The following ABCA13 variants were observed in gnomAD, a reference collection of about 807,000 sequenced individuals.
ABCA13 encodes the protein ATP-binding cassette sub-family A member 13.
A neutral mutation model predicts 478.7 loss-of-function variants in ABCA13; 476 were observed. That is an observed-to-expected ratio of 0.99 (90% confidence interval 0.92 to 1.07). The LOEUF (loss-of-function observed/expected upper bound fraction) is 1.07. ABCA13 is among the 50% of genes least tolerant of loss of function. ABCA13 has a pLI of 0.00. For synonymous variants in ABCA13, 2,252 were observed against 2,158.9 expected (o/e 1.04, Z -1.20); for missense variants, 6,060 against 5,910.6 (o/e 1.03, Z -0.83).
chr7:48,312,770 T>G, intron 24 of ABCA13, among the ~76,000 whole-genome samples: 1 of 152,278 alleles, frequency 6.6e-6, no homozygotes, highest in Admixed American at 6.5e-5. Flanking sequence ...AATTTCCACC[T>G]TGGTCACCTC....
intron 2 of ABCA13, among the ~76,000 whole-genome samples, chr7:48,195,405 A>G (rs1007352044): frequency 1.3e-5 from 2 of 152,208 alleles, no homozygotes; most frequent in African/African-American, 2.4e-5. Context: ...TAACCAGGCA[A>G]GAGATGGTTG....
intron 32 of ABCA13, 128 bp downstream of exon 32, chr7:48,368,036 G>T: frequency 3.3e-6 from 2 of 611,178 alleles, no homozygotes; most frequent in Non-Finnish European, 5.7e-6. Flanking sequence ...GGGTTCTGGT[G>T]TACAAAATAG....
chr7:48,194,737 A>G (rs1797700299), intron 2 of ABCA13, among the ~76,000 whole-genome samples: 6 of 152,238 alleles, frequency 3.9e-5, no homozygotes, highest in South Asian at 2.1e-4. Flanking sequence ...GACCATTCCT[A>G]TCAGTTTGTC....
chr7:48,516,123 G>A lies in ABCA13; in HGVS notation c.13641-602G>A, dbSNP rs115009043. Among the ~76,000 whole-genome samples, 1,505 of 152,284 alleles carry A rather than the reference G, an allele frequency of 9.9e-3. 30 individuals carry two copies. The highest frequency in any genetic ancestry group is 0.034 in the African/African-American group (1,407 of 41,546). On this transcript the variant is annotated intron_variant, in intron 51 of 61. Transcript: ENST00000435803. ...TCTGTTCACCAAGTGAGGAAAAATT[G>A]CTGGGCCAATAAAATTGCATCTATA...
At chr7:48,606,511 C>T (rs1791481249) in intron 58 of ABCA13, among the ~76,000 whole-genome samples, 1 of 151,228 alleles carries the variant, frequency 6.6e-6, no homozygotes, top group South Asian at 2.1e-4. Flanking sequence ...TGGAGATCCG[C>T]TCCAGACCCT....
intron 42 of ABCA13, among the ~76,000 whole-genome samples, chr7:48,442,016 C>A (rs1033767563): frequency 1.3e-5 from 2 of 152,192 alleles, no homozygotes; most frequent in East Asian, 3.8e-4. Flanking sequence ...TGAGAGGCTT[C>A]CAGAGGAGAG....
At chr7:48,416,516 A>G (rs1820011786) in intron 41 of ABCA13, among the ~76,000 whole-genome samples, 1 of 152,168 alleles carries the variant, frequency 6.6e-6, no homozygotes, top group Non-Finnish European at 1.5e-5. Context: ...TAGGTTGGGA[A>G]TCATGGAAGG....
At chr7:48,223,586 A>G (rs1346479100) in intron 5 of ABCA13, among the ~76,000 whole-genome samples, 1 of 152,040 alleles carries the variant, frequency 6.6e-6, no homozygotes, top group Non-Finnish European at 1.5e-5. Flanking sequence ...AGCAGCATGG[A>G]GTTCATTAGT....
chr7:48,411,606 C>A (rs1016318237), intron 40 of ABCA13, among the ~76,000 whole-genome samples: 1 of 152,148 alleles, frequency 6.6e-6, no homozygotes, highest in Non-Finnish European at 1.5e-5. Context: ...CCATGCCCAG[C>A]CTAGAAATAT....
At chr7:48,379,272 A>G (rs779221640) in intron 35 of ABCA13, among the ~76,000 whole-genome samples, 16 of 152,328 alleles carry the variant, frequency 1.1e-4, no homozygotes, top group Admixed American at 6.5e-4. Context: ...GTCTGCCAAT[A>G]ATAACAAAGA....
intron 35 of ABCA13, among the ~76,000 whole-genome samples, chr7:48,385,328 G>A (rs528129025): frequency 2.0e-5 from 3 of 152,176 alleles, no homozygotes; most frequent in African/African-American, 7.2e-5. Flanking sequence ...AGTGCATGTT[G>A]TTCCCCGCAG....
intron 1 of ABCA13, among the ~76,000 whole-genome samples, chr7:48,187,069 C>G (rs1199795163): frequency 1.3e-5 from 2 of 149,202 alleles, no homozygotes; most frequent in Non-Finnish European, 3.0e-5. Context: ...GTCCCTGTCT[C>G]TCTATATATA....
rs1790247184 is a variant in ABCA13, at chr7:48,595,999, G to A, written c.14744+1186G>A. Among the ~76,000 whole-genome samples the A allele has an allele frequency of 2.0e-5, 3 of 152,286 alleles. 1 individual carries two copies. Among genetic ancestry groups the A allele is most frequent in the South Asian group, 4.1e-4 (2 of 4,830 alleles). ...TAAAGCTAGCCCTATCATTTGAAAC[G>A]TGAGATTTCTGAGAGGACCTCAGGA... On this transcript the variant is annotated intron_variant, in intron 58 of 61. Transcript: ENST00000435803.
At chr7:48,466,127 T>C (rs1480093896) in intron 43 of ABCA13, among the ~76,000 whole-genome samples, 1 of 152,212 alleles carries the variant, frequency 6.6e-6, no homozygotes, top group African/African-American at 2.4e-5. Flanking sequence ...TAATTTAGAA[T>C]TTTAATTAAT....
intron 15 of ABCA13, among the ~76,000 whole-genome samples, chr7:48,252,612 T>A (rs1682792342): frequency 6.6e-6 from 1 of 152,176 alleles, no homozygotes; most frequent in African/African-American, 2.4e-5. Context: ...GATTATAATC[T>A]TACGGGACCA....
chr7:48,560,300 C>A (rs73694673), intron 55 of ABCA13, among the ~76,000 whole-genome samples: 5,345 of 152,188 alleles, frequency 0.035, 326 homozygotes, highest in African/African-American at 0.12. Context: ...TGTGACAGGG[C>A]AGCATTTAGT....
In ABCA13 at chr7:48,335,432, C is replaced by G. The variant is rs752651141; in HGVS notation, c.10010C>G (p.Thr3337Ser). Residue 3337 changes from threonine to serine, a missense_variant, in exon 28 of 62, where the codon ACC becomes AGC. Physicochemically the swap from Thr to Ser is moderately conservative, Grantham distance 58 (BLOSUM62 1). Coordinates refer to ENST00000435803, the MANE Select transcript of ABCA13 (RefSeq NM_152701.5). The part of the protein sequence containing the change: ...INKVIQKANY[T>S]FYIVDKLKTL... ...TGCTTCATTTTGCAGGCTAATTACA[C>G]CTTTTATATTGTGGACAAACTAAAA... is the stretch of plus-strand genomic sequence containing the variant. 6.2e-6 allele frequency: 10 copies of G among 1,606,468 alleles called. No individual in the cohort carries two copies. Among genetic ancestry groups the G allele is most frequent in the African/African-American group, 1.3e-5 (1 of 74,668 alleles).
rs1218192441 is a variant in ABCA13 at position 48,279,886 on chromosome 7, A to G, written c.8692A>G (p.Lys2898Glu). ...KYLGGLFVLT[K>E]YWQQIPLTDQ... The stretch of plus-strand genomic sequence containing the variant: ...CCTGGGAGGATTATTTGTATTGACT[A>G]AATACTGGCAACAAATCCCACTAAC... Residue 2898 changes from lysine to glutamate, a missense_variant, in exon 18 of 62, where the codon AAA (lysine) becomes GAA (glutamate). Physicochemically the swap from Lys to Glu is moderately conservative, Grantham distance 56. This residue lies in a region of ABCA13 where 4,423 missense variants were observed against 4,309.1 expected (regional missense o/e 1.03). Transcript: ENST00000435803. The G allele has an allele frequency of 1.3e-6, 2 of 1,527,560 alleles. No homozygotes were observed. The highest frequency in any genetic ancestry group is 2.8e-5 in the African/African-American group (2 of 71,822). 94.6% of individuals were successfully genotyped at this position (1,527,560 alleles called of 1,614,324 possible).
intron 33 of ABCA13, among the ~76,000 whole-genome samples, chr7:48,373,645 C>T (rs993451453): frequency 1.3e-5 from 2 of 152,122 alleles, no homozygotes; most frequent in African/African-American, 4.8e-5. Flanking sequence ...CAAGTGGGAC[C>T]ATTGGTGGTC....
Sources: allele counts gnomAD v4.1 joint callset (sites outside exome capture counted in the v4.1 genomes callset), GRCh38; gene constraint gnomAD v4.1.1; regional missense constraint gnomAD v4.1.1; transcripts MANE v1.5; gene names NCBI Gene and HGNC (gene_info 2026-07-23, HGNC 2026-07-21).